STXBP5L: variants seen among roughly 807,000 people sequenced by gnomAD.
STXBP5L encodes syntaxin binding protein 5L.
STXBP5L carries 65 observed loss-of-function variants against 144.5 expected under a neutral mutation model. The observed-to-expected ratio is 0.45, with a 90% CI of 0.37 to 0.55. STXBP5L has a LOEUF of 0.55. Ranked by LOEUF, STXBP5L falls within the 20% of genes least tolerant of loss-of-function variation. STXBP5L has a pLI of 0.00. For missense variants in STXBP5L, 1,298 were observed against 1,405.5 expected (o/e 0.92, Z 1.22); for synonymous variants, 505 against 469.6 (o/e 1.08, Z -0.97).
chr3:121,076,550 C>G (rs561405054), intron 5 of STXBP5L, among the ~76,000 whole-genome samples: 1 of 152,238 alleles, frequency 6.6e-6, no homozygotes, highest in Admixed American at 6.5e-5. Context: ...CTGAATTACA[C>G]TTAGCCAGGA....
intron 10 of STXBP5L, among the ~76,000 whole-genome samples, chr3:121,206,819 GA>G (rs1033179970): frequency 5.3e-5 from 8 of 150,982 alleles, no homozygotes; most frequent in African/African-American, 1.2e-4. Context: ...GTCTCAAAAA[GA>G]AAAAAAAGTA....
chr3:121,135,247 G>A (rs139570879), intron 7 of STXBP5L, among the ~76,000 whole-genome samples: 181 of 152,090 alleles, frequency 1.2e-3, no homozygotes, highest in African/African-American at 4.2e-3. Context: ...ACTTTTTGAC[G>A]GTGTTGTTTG....
At chr3:120,944,686 T>G (rs981935148) in intron 2 of STXBP5L, among the ~76,000 whole-genome samples, 1 of 151,836 alleles carries the variant, frequency 6.6e-6, no homozygotes, top group African/African-American at 2.4e-5. Context: ...AATTTGCCAC[T>G]CTTGTGCATA....
chr3:121,274,901 A>G (rs936695377), intron 18 of STXBP5L, among the ~76,000 whole-genome samples: 1 of 152,218 alleles, frequency 6.6e-6, no homozygotes, highest in African/African-American at 2.4e-5. Flanking sequence ...GCAGAGCAGT[A>G]GTCTGAAGCC....
intron 7 of STXBP5L, among the ~76,000 whole-genome samples, chr3:121,123,564 A>G (rs546231041): frequency 6.6e-6 from 1 of 151,678 alleles, no homozygotes; most frequent in African/African-American, 2.4e-5. Flanking sequence ...TCAAATGCCT[A>G]AGAAAAAAAA....
In STXBP5L at chr3:121,024,825, C is replaced by T. The variant is rs138951095; in HGVS notation, c.288-16875C>T. On this transcript the variant is annotated intron_variant, in intron 3 of 26. Transcript: ENST00000471454. ...AGAAATTAAAAGATAATAAAGACAA[C>T]AAAAATAGTGCATAAAGCTTGAGCA... 7.9e-4 allele frequency among the ~76,000 whole-genome samples: 120 copies of T among 152,064 alleles called. No homozygotes were observed. In the East Asian group the frequency reaches 0.014, roughly 17 times the overall value.
chr3:121,209,642 C>A (rs2048477995), intron 10 of STXBP5L, among the ~76,000 whole-genome samples: 1 of 151,336 alleles, frequency 6.6e-6, no homozygotes. Flanking sequence ...TCCAAGTGTT[C>A]TCATTGTTCA....
At chr3:121,150,896 T>TTGA (rs2045908496) in intron 7 of STXBP5L, among the ~76,000 whole-genome samples, 1 of 152,046 alleles carries the variant, frequency 6.6e-6, no homozygotes, top group African/African-American at 2.4e-5. Context: ...GAAACCAGCC[T>TTGA]GGCCAACGTG....
chr3:121,229,488 C>CA (rs2049232227), intron 11 of STXBP5L, among the ~76,000 whole-genome samples: 2 of 152,070 alleles, frequency 1.3e-5, no homozygotes, highest in Admixed American at 6.6e-5. Context: ...ATAGGAAACA[C>CA]AAAATCTTGA....
chr3:121,348,365 T>G (rs2045101021), intron 20 of STXBP5L, among the ~76,000 whole-genome samples: 2 of 152,142 alleles, frequency 1.3e-5, no homozygotes, highest in Non-Finnish European at 2.9e-5. Flanking sequence ...TTGCCAGTAT[T>G]TTATTGAGGA....
chr3:121,139,850 A>T (rs2045420198), intron 7 of STXBP5L, among the ~76,000 whole-genome samples: 1 of 152,088 alleles, frequency 6.6e-6, no homozygotes, highest in Non-Finnish European at 1.5e-5. Flanking sequence ...ACTTATGCTG[A>T]AAGTGACAAT....
At chr3:121,315,186 G>T (rs1004488499) in intron 19 of STXBP5L, among the ~76,000 whole-genome samples, 2 of 152,060 alleles carry the variant, frequency 1.3e-5, no homozygotes, top group African/African-American at 4.8e-5. Context: ...ACATGCACAC[G>T]TATGTTTACT....
intron 3 of STXBP5L, among the ~76,000 whole-genome samples, chr3:120,995,169 A>G (rs191306014): frequency 8.5e-5 from 13 of 152,234 alleles, no homozygotes; most frequent in African/African-American, 2.2e-4. Context: ...CTATTTTGAA[A>G]CAGAATTTTT....
intron 22 of STXBP5L, among the ~76,000 whole-genome samples, chr3:121,390,111 T>A (rs1298573850): frequency 6.6e-6 from 1 of 152,230 alleles, no homozygotes; most frequent in Non-Finnish European, 1.5e-5. Context: ...TAGCTCTTCT[T>A]GTTGAGTTGA....
intron 10 of STXBP5L, among the ~76,000 whole-genome samples, chr3:121,210,744 T>C (rs1042192232): frequency 3.3e-5 from 5 of 152,192 alleles, no homozygotes; most frequent in Admixed American, 6.5e-5. Flanking sequence ...TAGTTGTAGA[T>C]GTGTGGTATT....
At chr3:120,972,793 A>C (rs1311650637) in intron 3 of STXBP5L, among the ~76,000 whole-genome samples, 1 of 152,040 alleles carries the variant, frequency 6.6e-6, no homozygotes, top group Non-Finnish European at 1.5e-5. Flanking sequence ...CCTGGATATT[A>C]TCTAATGCTT....
At chr3:120,972,908 C>T (rs919036579) in intron 3 of STXBP5L, among the ~76,000 whole-genome samples, 1 of 152,056 alleles carries the variant, frequency 6.6e-6, no homozygotes, top group Non-Finnish European at 1.5e-5. Flanking sequence ...CCTTGCAATT[C>T]TGGAATAAAA....
At chr3:120,993,039 A>G (rs916567887) in intron 3 of STXBP5L, among the ~76,000 whole-genome samples, 20 of 151,930 alleles carry the variant, frequency 1.3e-4, no homozygotes, top group Non-Finnish European at 2.7e-4. Context: ...ATTTGCATGT[A>G]TCTGATGTTT....
At chr3:121,118,376 G>T (rs9832737) in intron 6 of STXBP5L, among the ~76,000 whole-genome samples, 1 of 151,474 alleles carries the variant, frequency 6.6e-6, no homozygotes, top group Non-Finnish European at 1.5e-5. Context: ...AGAACATTCC[G>T]GGCAGAGGGA....
Sources: gnomAD v4.1 joint callset for allele counts (sites outside exome capture counted in the v4.1 genomes callset) on GRCh38, gnomAD v4.1.1 for gene constraint, MANE v1.5 for transcripts, NCBI Gene and HGNC (gene_info 2026-07-23, HGNC 2026-07-21) for gene names.